AKAP3: variants seen among roughly 807,000 people sequenced by gnomAD.
AKAP3 encodes A-kinase anchoring protein 3, also known as A-kinase anchor protein 3.
AKAP3 carries 27 observed loss-of-function variants against 57.2 expected under a neutral mutation model. The ratio of observed to expected loss-of-function variants is 0.47; its 90% CI spans 0.35 to 0.65. AKAP3 has a LOEUF of 0.65. Ranked by LOEUF, AKAP3 falls within the 30% of genes least tolerant of loss-of-function variation. The pLI, the probability that AKAP3 is intolerant of heterozygous loss-of-function variation, is 0.01. For missense variants in AKAP3, 959 were observed against 1,040.0 expected (o/e 0.92, Z 1.07); for synonymous variants, 334 against 392.3 (o/e 0.85, Z 1.76).
intron 5 of AKAP3, 62 bp from the exon 6 acceptor site, chr12:4,615,956 C>T: frequency 1.2e-6 from 2 of 1,603,790 alleles, no homozygotes; most frequent in Non-Finnish European, 8.5e-7. Flanking sequence ...CCAGATGGAG[C>T]CTGCCAAGGC....
At chr12:4,621,124 AT>A (rs1285355609) in intron 5 of AKAP3, among the ~76,000 whole-genome samples, 1 of 152,118 alleles carries the variant, frequency 6.6e-6, no homozygotes, top group Non-Finnish European at 1.5e-5. Flanking sequence ...AAATAAAAAA[AT>A]TAAATAGAAA....
rs1565546882 is a variant in AKAP3, at chr12:4,616,806, AAAAT to A, written c.2407-916_2407-913del. On this transcript the variant is annotated intron_variant, in intron 5 of 5. Coordinates refer to ENST00000228850, the MANE Select transcript of AKAP3 (RefSeq NM_001278309.2). ...TAAACTTATTTCAAAAAACATTTAA[AAAAT>A]AAACAGAGCCCAAGGACTTGTGGGC... Among the ~76,000 whole-genome samples the A allele has an allele frequency of 2.0e-5, 3 of 152,212 alleles. No homozygotes were observed. In the South Asian group the frequency reaches 6.2e-4, roughly 32 times the overall value.
intron 5 of AKAP3, 65 bp from the exon 6 acceptor site, chr12:4,615,959 G>A: frequency 6.3e-7 from 1 of 1,597,286 alleles, no homozygotes; most frequent in Non-Finnish European, 8.6e-7. Flanking sequence ...GATGGAGCCT[G>A]CCAAGGCTGG....
rs1346736155 is a variant in AKAP3, at chr12:4,626,814, T to G, written c.2088A>C (p.Gly696=). The G allele has an allele frequency of 6.2e-7, 1 of 1,614,138 alleles. No individual in the cohort carries two copies. The highest frequency in any genetic ancestry group is 1.1e-5 in the South Asian group (1 of 91,082). Residue 696 remains glycine, a synonymous_variant, in exon 5 of 6, where the codon GGA becomes GGC. Coordinates refer to ENST00000228850, the MANE Select transcript of AKAP3 (RefSeq NM_001278309.2). ...TACTGGCATCTCCAGACTTGTCATCTCCCAGCTCTGCCAACGAAGCATCAC... is the reference window on the plus strand; with the variant it reads ...TACTGGCATCTCCAGACTTGTCATCGCCCAGCTCTGCCAACGAAGCATCAC... ...KSCDASLAEL[G]DDKSGDASRL...
intron 4 of AKAP3, chr12:4,635,564 G>T: frequency 1.4e-6 from 1 of 708,068 alleles, no homozygotes; most frequent in Non-Finnish European, 2.6e-6. Flanking sequence ...GAAATCTACT[G>T]CTCTTTTATT....
intron 1 of AKAP3, among the ~76,000 whole-genome samples, chr12:4,647,219 C>T (rs1011439595): frequency 2.0e-5 from 3 of 152,164 alleles, no homozygotes; most frequent in Admixed American, 6.5e-5. Flanking sequence ...GGTGACAAAG[C>T]ATCTTTGCAT....
At chr12:4,647,364 C>T (rs566404636) in intron 1 of AKAP3, among the ~76,000 whole-genome samples, 1 of 151,898 alleles carries the variant, frequency 6.6e-6, no homozygotes, top group African/African-American at 2.4e-5. Context: ...ATCTAGTATT[C>T]TAGGTGTTAA....
intron 5 of AKAP3, among the ~76,000 whole-genome samples, chr12:4,619,510 T>C (rs1591815310): frequency 6.6e-6 from 1 of 151,900 alleles, no homozygotes; most frequent in Non-Finnish European, 1.5e-5. Flanking sequence ...GTGACTATGA[T>C]TATGCCACTG....
chr12:4,636,757 T>C (rs1945571066), intron 4 of AKAP3, among the ~76,000 whole-genome samples: 1 of 152,020 alleles, frequency 6.6e-6, no homozygotes, highest in Non-Finnish European at 1.5e-5. Context: ...AATGTTAACT[T>C]TTTTTTTATT....
In AKAP3 at chr12:4,628,094, C is replaced by G. The variant is rs775279789; in HGVS notation, c.808G>C (p.Gly270Arg). The G allele has an allele frequency of 1.2e-6, 2 of 1,614,128 alleles. No homozygotes were observed. Among genetic ancestry groups the G allele is most frequent in the African/African-American group, 2.7e-5 (2 of 75,030 alleles). The stretch of plus-strand genomic sequence containing the variant: ...GTAAAGTCATCAGGCCTTTCCTGCC[C>G]TCGAAACCTCTTTCTCTCCCGAGGA... Reference protein sequence around the residue: ...FFPRERKRFRGQERPDDFTAS... With the variant: ...FFPRERKRFRRQERPDDFTAS... The change falls in exon 5 of 6, where the codon GGG (glycine) becomes CGG (arginine). Residue 270 changes from glycine to arginine, a missense_variant. By Grantham distance (125) the Gly-to-Arg change is moderately radical (BLOSUM62 -2). Coordinates refer to ENST00000228850, the MANE Select transcript of AKAP3 (RefSeq NM_001278309.2).
intron 4 of AKAP3, chr12:4,631,436 G>T: frequency 1.5e-6 from 1 of 677,650 alleles, no homozygotes; most frequent in African/African-American, 1.8e-5. Context: ...TGAAAGTTTA[G>T]AATTGAAGCT....
intron 4 of AKAP3, among the ~76,000 whole-genome samples, chr12:4,634,134 T>G (rs1945535863): frequency 6.6e-6 from 1 of 152,156 alleles, no homozygotes; most frequent in South Asian, 2.1e-4. Context: ...CTGACACACA[T>G]ATGGTAGCTC....
intron 5 of AKAP3, among the ~76,000 whole-genome samples, chr12:4,624,375 G>C (rs1306028978): frequency 6.8e-6 from 1 of 146,750 alleles, no homozygotes; most frequent in Non-Finnish European, 1.5e-5. Context: ...ATTGCTGGAA[G>C]GATAAATAAG....
At chr12:4,616,089 A>G (rs535194127) in intron 5 of AKAP3, among the ~76,000 whole-genome samples, 195 bp from the exon 6 acceptor site, 2 of 152,356 alleles carry the variant, frequency 1.3e-5, no homozygotes, top group African/African-American at 4.8e-5. Flanking sequence ...GTTAACACCC[A>G]CCTGCCCATG....
At chr12:4,618,724 T>TG (rs1256529470) in intron 5 of AKAP3, among the ~76,000 whole-genome samples, 2 of 152,188 alleles carry the variant, frequency 1.3e-5, no homozygotes, top group Non-Finnish European at 2.9e-5. Context: ...AAATGTCCCC[T>TG]GGGGGGCAAA....
At chr12:4,632,590 T>A (rs1945511785) in intron 4 of AKAP3, among the ~76,000 whole-genome samples, 1 of 152,194 alleles carries the variant, frequency 6.6e-6, no homozygotes, top group African/African-American at 2.4e-5. Flanking sequence ...TAGGCTTGAC[T>A]TCCTAATCTC....
intron 1 of AKAP3, 70 bp downstream of exon 1, chr12:4,648,675 C>T (rs2072354): frequency 0.31 from 48,389 of 155,464 alleles, 7,823 homozygotes; most frequent in Middle Eastern, 0.4. Flanking sequence ...CTTGTCCCCC[C>T]TTTTCTCTCT....
In AKAP3 at chr12:4,625,553, T is replaced by C. The variant is rs1338812447; in HGVS notation, c.2406+943A>G. The stretch of plus-strand genomic sequence containing the variant: ...AGCAGAGAAAGCCTGTTTTTCCTTA[T>C]CTTCTGATTCCTATGATGATGAAAT... On this transcript the variant is annotated intron_variant, in intron 5 of 5. Coordinates refer to ENST00000228850, the MANE Select transcript of AKAP3 (RefSeq NM_001278309.2). The surrounding 1 kb of genome is among the most constrained non-coding windows in gnomAD (Gnocchi z 5.4). Among the ~76,000 whole-genome samples, 1 of 152,194 alleles carries C rather than the reference T, an allele frequency of 6.6e-6. No individual in the cohort carries two copies. The highest frequency in any genetic ancestry group is 1.5e-5 in the Non-Finnish European group (1 of 68,032).
intron 3 of AKAP3, among the ~76,000 whole-genome samples, chr12:4,638,723 C>T (rs1264401968): frequency 6.6e-6 from 1 of 152,236 alleles, no homozygotes; most frequent in Non-Finnish European, 1.5e-5. Flanking sequence ...AATCCCTCCT[C>T]ATTAGCCAAG....
Sources: gnomAD v4.1 joint callset for allele counts (sites outside exome capture counted in the v4.1 genomes callset) on GRCh38, gnomAD v4.1.1 for gene constraint, Gnocchi (gnomAD v3.1) non-coding constraint, MANE v1.5 for transcripts, NCBI Gene and HGNC (gene_info 2026-07-23, HGNC 2026-07-21) for gene names.